GPC5: variants seen among roughly 807,000 people sequenced by gnomAD.
GPC5 encodes the protein glypican-5.
In GPC5, 47 loss-of-function variants were observed where a neutral mutation model predicts 53.9. The observed-to-expected ratio is 0.87, with a 90% CI of 0.69 to 1.11. GPC5 has a LOEUF of 1.11. GPC5 is among the 50% of genes most tolerant of loss of function. The pLI, the probability that GPC5 is intolerant of heterozygous loss-of-function variation, is 0.00. For synonymous variants in GPC5, 286 were observed against 263.3 expected, an observed-to-expected ratio of 1.09 and a Z score of -0.84; for missense variants, 748 against 713.1, an observed-to-expected ratio of 1.05 and a Z score of -0.56.
intron 6 of GPC5, among the ~76,000 whole-genome samples, chr13:92,040,493 A>G (rs768803862): frequency 2.6e-5 from 4 of 152,250 alleles, no homozygotes; most frequent in Non-Finnish European, 4.4e-5. Flanking sequence ...GTATTGTAAA[A>G]TAAAAATTCA....
intron 7 of GPC5, among the ~76,000 whole-genome samples, chr13:92,554,508 C>A (rs1282328485): frequency 6.7e-6 from 1 of 149,988 alleles, no homozygotes; most frequent in East Asian, 2.0e-4. Context: ...TTAAAAAAAA[C>A]ATAATAATCC....
chr13:91,419,335 G>A (rs759005215), intron 1 of GPC5, among the ~76,000 whole-genome samples: 1 of 152,068 alleles, frequency 6.6e-6, no homozygotes, highest in Non-Finnish European at 1.5e-5. Flanking sequence ...CCCAAACTAA[G>A]AGTAGTAAAA....
At chr13:92,799,005 A>C (rs1876804814) in intron 7 of GPC5, among the ~76,000 whole-genome samples, 1 of 151,830 alleles carries the variant, frequency 6.6e-6, no homozygotes, top group Admixed American at 6.6e-5. Context: ...TAAACTAGAA[A>C]AATCTTCAGA....
intron 7 of GPC5, among the ~76,000 whole-genome samples, chr13:92,632,935 G>C (rs1266537482): frequency 6.6e-6 from 1 of 152,148 alleles, no homozygotes; most frequent in Non-Finnish European, 1.5e-5. Context: ...CTGTCATCCA[G>C]GCTGGAGCAC....
chr13:91,548,277 G>A (rs765449081), intron 2 of GPC5, among the ~76,000 whole-genome samples: 24 of 152,082 alleles, frequency 1.6e-4, no homozygotes, highest in Admixed American at 1.3e-3. Flanking sequence ...GATGTAGGAC[G>A]CAAGGTTAAC....
intron 7 of GPC5, among the ~76,000 whole-genome samples, chr13:92,756,001 A>G (rs1278365683): frequency 6.6e-6 from 1 of 152,012 alleles, no homozygotes; most frequent in Non-Finnish European, 1.5e-5. Context: ...TCATTCTGAT[A>G]CCAAAGCCTG....
intron 6 of GPC5, among the ~76,000 whole-genome samples, chr13:91,917,943 A>G (rs536142012): frequency 6.6e-6 from 1 of 152,326 alleles, no homozygotes; most frequent in African/African-American, 2.4e-5. Context: ...ATTTTCGGGT[A>G]TATCTTTACA....
intron 7 of GPC5, among the ~76,000 whole-genome samples, chr13:92,183,080 T>C (rs2042159443): frequency 2.0e-5 from 3 of 152,224 alleles, no homozygotes; most frequent in Non-Finnish European, 4.4e-5. Context: ...GAGGTAAAGT[T>C]GGTTTATTGA....
At chr13:92,656,844 C>T (rs919975852) in intron 7 of GPC5, among the ~76,000 whole-genome samples, 2 of 152,204 alleles carry the variant, frequency 1.3e-5, no homozygotes, top group Admixed American at 6.5e-5. Flanking sequence ...ATCCCAGCTA[C>T]TCTTACGAGT....
chr13:91,500,875 TG>T (rs1884585088), intron 2 of GPC5, among the ~76,000 whole-genome samples: 1 of 152,182 alleles, frequency 6.6e-6, no homozygotes, highest in Admixed American at 6.5e-5. Flanking sequence ...TCCCCCATAC[TG>T]TTCTCATGGT....
At chr13:91,472,983 A>G (rs1038794115) in intron 2 of GPC5, among the ~76,000 whole-genome samples, 5 of 152,152 alleles carry the variant, frequency 3.3e-5, no homozygotes, top group Non-Finnish European at 7.4e-5. Context: ...GGTAATTTAT[A>G]AAGGAAAGAG....
intron 7 of GPC5, among the ~76,000 whole-genome samples, chr13:92,704,392 C>T (rs902257453): frequency 2.6e-5 from 4 of 152,072 alleles, no homozygotes; most frequent in African/African-American, 4.8e-5. Flanking sequence ...AAAGTTTTCT[C>T]ATTCTCCAAC....
At chr13:92,296,700 C>G (rs886795377) in intron 7 of GPC5, among the ~76,000 whole-genome samples, 1 of 152,154 alleles carries the variant, frequency 6.6e-6, no homozygotes, top group South Asian at 2.1e-4. Context: ...CTGCGTGCGG[C>G]GCTTGCGGGC....
intron 7 of GPC5, among the ~76,000 whole-genome samples, chr13:92,390,185 G>T (rs1356406709): frequency 6.6e-6 from 1 of 152,094 alleles, no homozygotes; most frequent in Non-Finnish European, 1.5e-5. Flanking sequence ...GTATTAAACT[G>T]AAGAAAGATT....
intron 7 of GPC5, among the ~76,000 whole-genome samples, chr13:92,267,051 T>C (rs1270485155): frequency 6.6e-6 from 1 of 152,152 alleles, no homozygotes; most frequent in Non-Finnish European, 1.5e-5. Flanking sequence ...TTTATTGCTT[T>C]AGCTTCATGC....
intron 2 of GPC5, among the ~76,000 whole-genome samples, chr13:91,656,998 A>T (rs2034861002): frequency 6.6e-6 from 1 of 152,198 alleles, no homozygotes; most frequent in Non-Finnish European, 1.5e-5. Flanking sequence ...TCCAGGCTCT[A>T]CTTCTTATTG....
intron 5 of GPC5, among the ~76,000 whole-genome samples, chr13:91,858,175 T>G (rs1047415167): frequency 6.6e-6 from 1 of 151,716 alleles, no homozygotes; most frequent in Non-Finnish European, 1.5e-5. Flanking sequence ...TTGCTCCAAC[T>G]AGGATTTGCT....
At chr13:91,539,252 G>T (rs540333007) in intron 2 of GPC5, among the ~76,000 whole-genome samples, 2 of 152,186 alleles carry the variant, frequency 1.3e-5, no homozygotes, top group Non-Finnish European at 2.9e-5. Flanking sequence ...GGATTTGTGT[G>T]TGGGGGGCAG....
chr13:91,497,337 A>G (rs1445712628), intron 2 of GPC5, among the ~76,000 whole-genome samples: 3 of 152,144 alleles, frequency 2.0e-5, no homozygotes, highest in Non-Finnish European at 2.9e-5. Context: ...TGAATTTTCT[A>G]CTAAAAAGGA....
Sources: gnomAD v4.1 joint callset for allele counts (sites outside exome capture counted in the v4.1 genomes callset) on GRCh38, gnomAD v4.1.1 for gene constraint, MANE v1.5 for transcripts, NCBI Gene and HGNC (gene_info 2026-07-23, HGNC 2026-07-21) for gene names.